The following MS4A15 variants were observed in gnomAD, a reference collection of about 807,000 sequenced individuals.
The protein encoded by MS4A15 is membrane-spanning 4-domains subfamily A member 15.
Under a neutral mutation model 20.6 loss-of-function variants are expected in MS4A15, and 22 were observed. The ratio of observed to expected loss-of-function variants is 1.07; its 90% CI spans 0.76 to 1.52. The LOEUF is 1.52. Ranked by LOEUF, MS4A15 falls within the 40% of genes most tolerant of loss-of-function variation. The pLI is 0.00. For missense variants in MS4A15, 312 were observed against 323.0 expected, an observed-to-expected ratio of 0.97 and a Z score of 0.26; for synonymous variants, 129 against 129.3, an observed-to-expected ratio of 1.00 and a Z score of 0.02.
chr11:60,768,479 A>G (rs1853939856), intron 3 of MS4A15, among the ~76,000 whole-genome samples: 1 of 152,216 alleles, frequency 6.6e-6, no homozygotes, highest in African/African-American at 2.4e-5. Context: ...ACTTGAGTGT[A>G]TACCGTGAAC....
intron 3 of MS4A15, among the ~76,000 whole-genome samples, chr11:60,768,029 C>T (rs1448742410): frequency 1.3e-5 from 2 of 152,042 alleles, no homozygotes; most frequent in African/African-American, 4.8e-5. Flanking sequence ...CCCGTCTCTA[C>T]TAAAAATACA....
rs577151070 is a variant in MS4A15 at position 60,774,243 on chromosome 11, C to A, written c.612+293C>A. Among the ~76,000 whole-genome samples the A allele has an allele frequency of 1.8e-4, 27 of 151,134 alleles. 1 individual carries two copies. The highest frequency in any genetic ancestry group is 3.5e-3 in the Middle Eastern group (1 of 288). On this transcript the variant is annotated intron_variant, in intron 6 of 6. Transcript: ENST00000405633. ...CCTGGGCAACATAAAAAGATCCTAT[C>A]GCTACAAAAAAAAATGTATTTTTAA...
At chr11:60,760,521 C>T (rs1853712366) in intron 1 of MS4A15, among the ~76,000 whole-genome samples, 2 of 152,154 alleles carry the variant, frequency 1.3e-5, no homozygotes, top group South Asian at 4.1e-4. Flanking sequence ...TATCCCCATG[C>T]CGGAGAAAAA....
At position 60,756,978 on chromosome 11, in the gene MS4A15, C is replaced by T. The variant is rs1013420447; in HGVS notation, c.-109C>T. On this transcript the variant is annotated 5_prime_UTR_variant, in exon 1 of 7. Coordinates refer to ENST00000405633, the MANE Select transcript of MS4A15 (RefSeq NM_001098835.2). ...CTTGGCGTTCACTGCAAGCTATAAG[C>T]TCTGCAAGTGGTGACCCCGACGTGA... 6.6e-6 allele frequency: 1 copy of T among 152,070 alleles called. No individual in the cohort carries two copies. The highest frequency in any genetic ancestry group is 2.4e-5 in the African/African-American group (1 of 41,402). 9.4% of individuals were successfully genotyped at this position (152,070 alleles called of 1,614,324 possible).
intron 3 of MS4A15, among the ~76,000 whole-genome samples, chr11:60,770,859 C>T (rs1245042812): frequency 3.9e-5 from 6 of 151,906 alleles, no homozygotes; most frequent in Admixed American, 3.9e-4. Context: ...GTGCACGCCA[C>T]TCTGCCCAGC....
chr11:60,764,568 GATAC>G (rs1284717432), intron 2 of MS4A15, among the ~76,000 whole-genome samples: 3 of 152,296 alleles, frequency 2.0e-5, no homozygotes, highest in Admixed American at 6.5e-5. Flanking sequence ...GAGATAGAAA[GATAC>G]ATACACACAT....
intron 3 of MS4A15, among the ~76,000 whole-genome samples, chr11:60,770,148 C>T (rs970542643): frequency 1.3e-5 from 2 of 152,194 alleles, no homozygotes; most frequent in African/African-American, 4.8e-5. Context: ...TATGGATAGC[C>T]TCGTGCCCGG....
At chr11:60,763,992 G>T in intron 2 of MS4A15, 34 bp downstream of exon 2, 3 of 1,566,098 alleles carry the variant, frequency 1.9e-6, no homozygotes, top group Non-Finnish European at 2.6e-6. Context: ...CCTGAGGCAG[G>T]TAGTGAGTAT....
intron 3 of MS4A15, among the ~76,000 whole-genome samples, chr11:60,769,849 C>T (rs146763363): frequency 2.6e-4 from 39 of 152,294 alleles, no homozygotes; most frequent in Admixed American, 4.6e-4. Context: ...ACCCCCATGG[C>T]CACCATGCTG....
At chr11:60,765,934 A>T (rs1405548821) in intron 2 of MS4A15, among the ~76,000 whole-genome samples, 1 of 152,076 alleles carries the variant, frequency 6.6e-6, no homozygotes, top group Non-Finnish European at 1.5e-5. Context: ...AGCACAAAAA[A>T]GTGGAAAATA....
Position 60,775,753 on chromosome 11 carries a change from T to C in MS4A15, c.*38T>C. ...GCACCTGCGGGTGGAGTCCAGCCTT[T>C]TCCCTCTGGGCCCAGCCTCTCCCCA... On this transcript the variant is annotated 3_prime_UTR_variant, in exon 7 of 7. Transcript: ENST00000405633. The C allele has an allele frequency of 6.4e-7, 1 of 1,552,974 alleles. No homozygotes were observed. Among genetic ancestry groups the C allele is most frequent in the Non-Finnish European group, 8.8e-7 (1 of 1,130,554 alleles).
chr11:60,772,077 C>A (rs771436153), intron 4 of MS4A15, among the ~76,000 whole-genome samples: 1 of 152,142 alleles, frequency 6.6e-6, no homozygotes, highest in Non-Finnish European at 1.5e-5. Flanking sequence ...ATGAGTCATT[C>A]TAAGCTCAGC....
chr11:60,766,431 A>C (rs538232628), intron 2 of MS4A15, among the ~76,000 whole-genome samples: 1 of 152,352 alleles, frequency 6.6e-6, no homozygotes, highest in East Asian at 1.9e-4. Flanking sequence ...ATTAGGATTA[A>C]ATGAGACCAC....
chr11:60,773,509 G>A, intron 5 of MS4A15, 25 bp downstream of exon 5: 1 of 1,605,324 alleles, frequency 6.2e-7, no homozygotes, highest in African/African-American at 1.3e-5. Context: ...GGCCCTCGGG[G>A]TGGGAAAACT....
At chr11:60,761,139 T>C (rs1853729534) in intron 1 of MS4A15, among the ~76,000 whole-genome samples, 1 of 152,220 alleles carries the variant, frequency 6.6e-6, no homozygotes, top group African/African-American at 2.4e-5. Flanking sequence ...CTAATGATAC[T>C]TCTTGGACGA....
intron 2 of MS4A15, among the ~76,000 whole-genome samples, chr11:60,766,178 C>G (rs1215701602): frequency 1.3e-5 from 2 of 152,104 alleles, no homozygotes; most frequent in Non-Finnish European, 2.9e-5. Context: ...GTCAGGAGTT[C>G]GAGACCAGCC....
chr11:60,765,887 A>G (rs201944347), intron 2 of MS4A15, among the ~76,000 whole-genome samples: 8,697 of 151,944 alleles, frequency 0.057, 392 homozygotes, highest in African/African-American at 0.12. Context: ...CCTCCAAAAA[A>G]AAAAAAAAAA....
chr11:60,762,464 T>TA lies in MS4A15; in HGVS notation c.-28-1236dup, dbSNP rs376650464. 7.3e-3 allele frequency among the ~76,000 whole-genome samples: 1,114 copies of TA among 152,312 alleles called. 10 individuals are homozygous for TA. The highest frequency in any genetic ancestry group is 0.025 in the African/African-American group (1,051 of 41,550). ...AAATTCCCACTCTTAAGTGTAAATT[T>TA]AAAAAACAACTTAAAAAATGGTCAC... On this transcript the variant is annotated intron_variant, in intron 1 of 6. Coordinates refer to ENST00000405633, the MANE Select transcript of MS4A15 (RefSeq NM_001098835.2).
At chr11:60,760,227 C>T (rs1853703073) in intron 1 of MS4A15, among the ~76,000 whole-genome samples, 2 of 152,384 alleles carry the variant, frequency 1.3e-5, no homozygotes, top group Non-Finnish European at 2.9e-5. Flanking sequence ...GCAGACTCTC[C>T]TGCTTTTTTG....
Sources: allele counts gnomAD v4.1 joint callset (sites outside exome capture counted in the v4.1 genomes callset), GRCh38; gene constraint gnomAD v4.1.1; transcripts MANE v1.5; gene names NCBI Gene and HGNC (gene_info 2026-07-23, HGNC 2026-07-21).